The following FAT4 variants were observed in gnomAD, a reference collection of about 807,000 sequenced individuals.
The protein encoded by FAT4 is protocadherin Fat 4.
In FAT4, 84 loss-of-function variants were observed where a neutral mutation model predicts 303.9. The ratio of observed to expected loss-of-function variants is 0.28; its 90% CI spans 0.23 to 0.33. The LOEUF is 0.33. FAT4 is among the 10% of genes least tolerant of loss of function. The pLI, the probability that FAT4 is intolerant of heterozygous loss-of-function variation, is 1.00. For missense variants in FAT4, 6,005 were observed against 6,146.8 expected, an observed-to-expected ratio of 0.98 and a Z score of 0.77; for synonymous variants, 2,307 against 2,298.8, an observed-to-expected ratio of 1.00 and a Z score of -0.10.
intron 3 of FAT4, among the ~76,000 whole-genome samples, chr4:125,404,505 A>G (rs895573399): frequency 1.3e-5 from 2 of 152,194 alleles, no homozygotes; most frequent in African/African-American, 4.8e-5. Flanking sequence ...CAGTAAGCCA[A>G]GTCCATGAAT....
Position 125,415,597 on chromosome 4 carries a change from A to G in FAT4, c.6634A>G (p.Thr2212Ala). Residue 2212 changes from threonine (T) to alanine (A), a missense_variant, in exon 6 of 18, where the codon ACT (threonine) becomes GCT (alanine). Thr to Ala is a moderately conservative substitution (Grantham distance 58, BLOSUM62 0). Coordinates refer to ENST00000394329, the MANE Select transcript of FAT4 (RefSeq NM_001291303.3). Reference protein sequence around the residue: ...FRIDSVTGAITVAKPLDREKT... With the variant: ...FRIDSVTGAIAVAKPLDREKT... ...GATAGACTCTGTCACAGGTGCCATC[A>G]CTGTCGCTAAACCTTTGGATAGAGA... 1 of 1,614,066 alleles carries G rather than the reference A, an allele frequency of 6.2e-7. No homozygotes were observed. The highest frequency in any genetic ancestry group is 8.5e-7 in the Non-Finnish European group (1 of 1,179,980).
chr4:125,436,095 A>G (rs1447265147), intron 8 of FAT4, among the ~76,000 whole-genome samples: 1 of 151,660 alleles, frequency 6.6e-6, no homozygotes, highest in African/African-American at 2.4e-5. Context: ...AATGTAAATG[A>G]TGAGTTAATG....
intron 2 of FAT4, chr4:125,394,005 G>T (rs763785516): frequency 1.2e-5 from 9 of 779,922 alleles, no homozygotes; most frequent in Admixed American, 3.4e-5. Flanking sequence ...AGTGTTTATT[G>T]TAAGTCAAGC....
chr4:125,358,139 T>C (rs545716286), intron 2 of FAT4, among the ~76,000 whole-genome samples: 1 of 152,250 alleles, frequency 6.6e-6, no homozygotes, highest in African/African-American at 2.4e-5. Flanking sequence ...TTGTGTTTAA[T>C]TTTATGTTCC....
In FAT4 at chr4:125,446,387, A is replaced by G. The variant is rs1725829525; in HGVS notation, c.7294A>G (p.Asn2432Asp). 3 of 1,613,550 alleles carry G rather than the reference A, an allele frequency of 1.9e-6. No individual in the cohort carries two copies. Among genetic ancestry groups the G allele is most frequent in the Non-Finnish European group, 2.5e-6 (3 of 1,179,570 alleles). The change falls in exon 9 of 18, where the codon AAT (asparagine) becomes GAT (aspartate). Residue 2432 changes from asparagine to aspartate, a missense_variant. By Grantham distance (23) the Asn-to-Asp change is conservative (BLOSUM62 1). Coordinates refer to ENST00000394329, the MANE Select transcript of FAT4 (RefSeq NM_001291303.3). Reference protein sequence around the residue: ...SALLDRETKDNYTLVVVCSDA... With the variant: ...SALLDRETKDDYTLVVVCSDA... ...ATTGTTAGATAGGGAAACAAAAGAT[A>G]ATTATACTTTGGTAGTGGTCTGCAG...
chr4:125,342,242 G>A (rs577994354), intron 2 of FAT4, among the ~76,000 whole-genome samples: 2 of 151,824 alleles, frequency 1.3e-5, no homozygotes, highest in Non-Finnish European at 2.9e-5. Context: ...TAAAATTTCA[G>A]CACGGTGATT....
intron 2 of FAT4, among the ~76,000 whole-genome samples, chr4:125,336,424 T>C (rs1347714784): frequency 1.3e-5 from 2 of 151,998 alleles, no homozygotes; most frequent in Non-Finnish European, 2.9e-5. Flanking sequence ...GATACTGAAG[T>C]TATATTCTAA....
intron 8 of FAT4, among the ~76,000 whole-genome samples, chr4:125,439,116 A>T (rs1395242): frequency 0.99 from 150,456 of 152,278 alleles, 74,354 homozygotes; most frequent in East Asian, 1. Context: ...CCTTATAGAA[A>T]ATCAGACTGT....
At position 125,318,453 on chromosome 4, in the gene FAT4, A is replaced by T; in HGVS notation, c.2042A>T (p.Asp681Val). 6.2e-7 allele frequency: 1 copy of T among 1,614,136 alleles called. No individual in the cohort carries two copies. The highest frequency in any genetic ancestry group is 8.5e-7 in the Non-Finnish European group (1 of 1,180,028). The change falls in exon 2 of 18, where the codon GAT becomes GTT. Residue 681 changes from aspartate to valine, a missense_variant. Transcript: ENST00000394329. The stretch of plus-strand genomic sequence containing the variant: ...GCTCGCATAAATGTGAGTCTTCTGG[A>T]TATAAATGATAACAGCCCTGTCTTC... ...SMARINVSLL[D>V]INDNSPVFYP...
At chr4:125,401,778 T>A (rs1250838058) in intron 3 of FAT4, among the ~76,000 whole-genome samples, 2 of 151,922 alleles carry the variant, frequency 1.3e-5, no homozygotes, top group East Asian at 3.9e-4. Context: ...ATACTCAAAC[T>A]TTGCTTCGTG....
Position 125,319,456 on chromosome 4 carries a change from C to A in FAT4, c.3045C>A (p.Phe1015Leu), listed in dbSNP as rs768053813. The stretch of plus-strand genomic sequence containing the variant: ...AGTCAGAACCTGTGAATTCTCGATT[C>A]TTTAAAGTACAAGCTTCTGATAAGG... ...LSESEPVNSRFFKVQASDKDS... is the reference protein window; with the variant it reads ...LSESEPVNSRLFKVQASDKDS... Residue 1015 changes from phenylalanine (F) to leucine (L), a missense_variant, in exon 2 of 18, where the codon TTC becomes TTA. Phe to Leu is a conservative substitution (Grantham distance 22). Transcript: ENST00000394329. 1 of 1,613,678 alleles carries A rather than the reference C, an allele frequency of 6.2e-7. No homozygotes were observed. Among genetic ancestry groups the A allele is most frequent in the Admixed American group, 1.7e-5 (1 of 60,026 alleles).
intron 5 of FAT4, among the ~76,000 whole-genome samples, chr4:125,411,070 C>T (rs977516527): frequency 1.3e-5 from 2 of 152,112 alleles, no homozygotes; most frequent in East Asian, 3.9e-4. Flanking sequence ...ATTAGTCAGA[C>T]ATTTTTTAAA....
Position 125,468,622 on chromosome 4 carries a change from A to G in FAT4, c.12016A>G (p.Thr4006Ala). ...NNNYIYVKFA[T>A]IKSHALLLYN... ...CAACTATATTTATGTCAAATTTGCC[A>G]CGATTAAAAGTCATGCCTTATTGCT... is the stretch of plus-strand genomic sequence containing the variant. The change falls in exon 12 of 18, where the codon ACG (threonine) becomes GCG (alanine). Residue 4006 changes from threonine (T) to alanine (A), a missense_variant. Coordinates refer to ENST00000394329, the MANE Select transcript of FAT4 (RefSeq NM_001291303.3). 2 of 1,614,162 alleles carry G rather than the reference A, an allele frequency of 1.2e-6. No homozygotes were observed. The highest frequency in any genetic ancestry group is 8.5e-7 in the Non-Finnish European group (1 of 1,180,032).
intron 10 of FAT4, among the ~76,000 whole-genome samples, chr4:125,460,048 GT>G (rs1726429653): frequency 6.6e-6 from 1 of 151,904 alleles, no homozygotes; most frequent in South Asian, 2.1e-4. Context: ...AGACACAGGT[GT>G]TTTAAATAAT....
chr4:125,397,058 T>C (rs1193554867), intron 2 of FAT4, among the ~76,000 whole-genome samples: 15 of 151,516 alleles, frequency 9.9e-5, no homozygotes, highest in Non-Finnish European at 4.4e-5. Flanking sequence ...TATGTGGGAC[T>C]GGAATTCTGA....
At chr4:125,326,740 T>A (rs1158543398) in intron 2 of FAT4, among the ~76,000 whole-genome samples, 1 of 152,204 alleles carries the variant, frequency 6.6e-6, no homozygotes, top group Non-Finnish European at 1.5e-5. Flanking sequence ...GATTTGTTGC[T>A]TAAAAAGCAT....
Position 125,319,108 on chromosome 4 carries a change from T to G in FAT4, c.2697T>G (p.Ser899Arg). The change falls in exon 2 of 18, where the codon AGT (serine) becomes AGG (arginine). Residue 899 changes from serine to arginine, a missense_variant. By Grantham distance (110) the Ser-to-Arg change is moderately radical. Transcript: ENST00000394329. The part of the protein sequence containing the change: ...NSPHFLQAIE[S>R]VNVVENWQAG... ...CCCATTTCCTTCAGGCAATAGAGAG[T>G]GTAAATGTGGTGGAGAATTGGCAGG... 1.9e-6 allele frequency: 3 copies of G among 1,613,660 alleles called. No homozygotes were observed. The highest frequency in any genetic ancestry group is 1.3e-5 in the African/African-American group (1 of 74,846).
intron 2 of FAT4, among the ~76,000 whole-genome samples, chr4:125,364,564 T>G (rs1317610971): frequency 6.6e-6 from 1 of 150,752 alleles, no homozygotes; most frequent in Non-Finnish European, 1.5e-5. Flanking sequence ...TCGGTGGAAG[T>G]GATATTTAAA....
rs562842293 is a variant in FAT4 at position 125,434,229 on chromosome 4, T to A, written c.7019-16T>A. On this transcript the variant is annotated splice_polypyrimidine_tract_variant and intron_variant, in intron 7 of 17. Coordinates refer to ENST00000394329, the MANE Select transcript of FAT4 (RefSeq NM_001291303.3). ...TTGTTTATAAACATTGAGACTTGAT[T>A]TTCTTTTCTTTTTAGGATCCCCTGC... is the stretch of plus-strand genomic sequence containing the variant. 6.2e-7 allele frequency: 1 copy of A among 1,603,670 alleles called. No homozygotes were observed. Among genetic ancestry groups the A allele is most frequent in the Non-Finnish European group, 8.5e-7 (1 of 1,174,212 alleles).
Sources: allele counts gnomAD v4.1 joint callset (sites outside exome capture counted in the v4.1 genomes callset), GRCh38; gene constraint gnomAD v4.1.1; transcripts MANE v1.5; gene names NCBI Gene and HGNC (gene_info 2026-07-23, HGNC 2026-07-21).